Variants in TSPAN17 observed in about 807,000 individuals in gnomAD.
TSPAN17 encodes the protein tetraspanin 17, also known as tetraspanin-17.
TSPAN17 carries 33 observed loss-of-function variants against 40.5 expected under a neutral mutation model. The observed-to-expected ratio is 0.81, with a 90% CI of 0.62 to 1.09. TSPAN17 has a LOEUF of 1.09. TSPAN17 is among the 50% of genes least tolerant of loss of function. The probability of loss-of-function intolerance (pLI) is 0.00; values close to 1 mark genes in which losing one functional copy is unlikely to be tolerated. For synonymous variants in TSPAN17, 166 were observed against 169.4 expected (o/e 0.98, Z 0.15); for missense variants, 365 against 416.8 (o/e 0.88, Z 1.08).
chr5:176,652,554 T>C (rs1465109834), intron 3 of TSPAN17, among the ~76,000 whole-genome samples, 189 bp from the exon 4 acceptor site: 1 of 152,136 alleles, frequency 6.6e-6, no homozygotes. Context: ...GGGAATTGGA[T>C]GGGTAGGTAA....
Position 176,651,701 on chromosome 5 carries a change from A to T in TSPAN17, c.138+35A>T, listed in dbSNP as rs1212397151. 1.2e-6 allele frequency: 2 copies of T among 1,613,972 alleles called. No homozygotes were observed. The highest frequency in any genetic ancestry group is 3.3e-5 in the Admixed American group (2 of 60,004). On this transcript the variant is annotated intron_variant, in intron 2 of 8. Transcript: ENST00000508164. This position sits in a 1 kb window ranked among gnomAD's most constrained non-coding sequence, Gnocchi z 4.5. ...CGGGCGGGCGTGGAGCTGGTATGGG[A>T]CGAGGTGGTGGGAAGGTCAGCTCCC...
rs191378931 is a variant in TSPAN17, at chr5:176,652,737, C to G, written c.286-6C>G. 3.4e-3 allele frequency: 5,410 copies of G among 1,613,982 alleles called. 15 individuals carry two copies. Among genetic ancestry groups the G allele is most frequent in the Non-Finnish European group, 3.6e-3 (4,288 of 1,179,872 alleles). ...CAACCCCTACTGTCTGTATGCCCAACCCCAGTTCTCCGTGTTCCTCGGTCT... is the reference window on the plus strand; with the variant it reads ...CAACCCCTACTGTCTGTATGCCCAAGCCCAGTTCTCCGTGTTCCTCGGTCT... On this transcript the variant is annotated splice_polypyrimidine_tract_variant and splice_region_variant and intron_variant, in intron 3 of 8. Transcript: ENST00000508164.
chr5:176,656,144 G>A lies in TSPAN17; in HGVS notation c.630+19G>A, dbSNP rs766557471. On this transcript the variant is annotated intron_variant, in intron 6 of 8. Transcript: ENST00000508164. ...CAAACTGGTGAGAGGGGTAGGAACCGGGCTGGGGCAGGCAGGCAGGGGTAC... is the reference window on the plus strand; with the variant it reads ...CAAACTGGTGAGAGGGGTAGGAACCAGGCTGGGGCAGGCAGGCAGGGGTAC... 3.9e-5 allele frequency: 63 copies of A among 1,613,816 alleles called. No homozygotes were observed. The highest frequency in any genetic ancestry group is 1.8e-4 in the East Asian group (8 of 44,882).
Position 176,656,143 on chromosome 5 carries a change from CG to C in TSPAN17, c.630+21del. On this transcript the variant is annotated intron_variant, in intron 6 of 8. Coordinates refer to ENST00000508164, the MANE Select transcript of TSPAN17 (RefSeq NM_130465.5). ...TCAAACTGGTGAGAGGGGTAGGAAC[CG>C]GGCTGGGGCAGGCAGGCAGGGGTAC... The C allele has an allele frequency of 6.2e-7, 1 of 1,613,864 alleles. No individual in the cohort carries two copies. Among genetic ancestry groups the C allele is most frequent in the Non-Finnish European group, 8.5e-7 (1 of 1,179,862 alleles).
intron 1 of TSPAN17, among the ~76,000 whole-genome samples, chr5:176,649,394 T>A (rs531902725): frequency 1.8e-4 from 27 of 151,922 alleles, no homozygotes; most frequent in Admixed American, 1.7e-3. Flanking sequence ...GGTGTTGTTC[T>A]GTTTGGAAAC....
rs1164996921 is a variant in TSPAN17, at chr5:176,656,884, C to G, written c.748-11C>G. The G allele has an allele frequency of 1.2e-6, 2 of 1,614,234 alleles. No individual in the cohort carries two copies. Among genetic ancestry groups the G allele is most frequent in the South Asian group, 1.1e-5 (1 of 91,078 alleles). On this transcript the variant is annotated splice_polypyrimidine_tract_variant and intron_variant, in intron 7 of 8. Coordinates refer to ENST00000508164, the MANE Select transcript of TSPAN17 (RefSeq NM_130465.5). The stretch of plus-strand genomic sequence containing the variant: ...CCCTCACTCTCCCCTCACCTGTCCT[C>G]TGTCTTACAGATCTTTGGCATCTGC...
At chr5:176,657,090 T>C in intron 8 of TSPAN17, 134 bp downstream of exon 8, 1 of 989,246 alleles carries the variant, frequency 1.0e-6, no homozygotes, top group Non-Finnish European at 1.5e-6. Flanking sequence ...CCTTGAGGGG[T>C]TCGCCTGAAC....
At chr5:176,647,815 T>C in intron 1 of TSPAN17, 113 bp downstream of exon 1, 7 of 981,142 alleles carry the variant, frequency 7.1e-6, no homozygotes, top group South Asian at 1.7e-5. Context: ...CTCGGGACCA[T>C]CCCCCCACTT....
At chr5:176,648,740 C>T (rs1760846142) in intron 1 of TSPAN17, among the ~76,000 whole-genome samples, 1 of 152,224 alleles carries the variant, frequency 6.6e-6, no homozygotes, top group South Asian at 2.1e-4. Flanking sequence ...CTCCGGGCCT[C>T]AGCTTGCCTG....
intron 3 of TSPAN17, 129 bp downstream of exon 3, chr5:176,652,029 T>C: frequency 7.6e-7 from 1 of 1,321,714 alleles, no homozygotes; most frequent in Non-Finnish European, 1.0e-6. Flanking sequence ...ATTCATGTTG[T>C]CTATATTTAC....
chr5:176,654,662 C>T lies in TSPAN17; in HGVS notation c.457-233C>T, dbSNP rs1183763471. On this transcript the variant is annotated intron_variant, in intron 4 of 8. Transcript: ENST00000508164. The surrounding 1 kb of genome is among the most constrained non-coding windows in gnomAD (Gnocchi z 4.3). ...TGTCCCACTCCCTCCCTTTTTCTAG[C>T]CTCTCTTGGGTCGGGGAAGGGGGAG... 3.8e-6 allele frequency: 2 copies of T among 528,692 alleles called. No homozygotes were observed. The highest frequency in any genetic ancestry group is 6.6e-5 in the East Asian group (2 of 30,428). 32.8% of individuals were successfully genotyped at this position (528,692 alleles called of 1,614,324 possible). A position where few individuals can be genotyped will look rare whatever the true frequency, so the allele number is the denominator to read the frequency against.
Position 176,650,099 on chromosome 5 carries a change from T to C in TSPAN17, c.88-1517T>C, listed in dbSNP as rs1318692022. ...AGCTCCGTGAGGGTCGAGTCCGTCC[T>C]ATTCACCAGCGAATCCCCGGCATGG... On this transcript the variant is annotated intron_variant, in intron 1 of 8. Coordinates refer to ENST00000508164, the MANE Select transcript of TSPAN17 (RefSeq NM_130465.5). This position sits in a 1 kb window ranked among gnomAD's most constrained non-coding sequence, Gnocchi z 4.0. Among the ~76,000 whole-genome samples the C allele has an allele frequency of 1.3e-5, 2 of 152,324 alleles. No individual in the cohort carries two copies. The highest frequency in any genetic ancestry group is 4.8e-5 in the African/African-American group (2 of 41,570).
At chr5:176,653,121 G>A in intron 4 of TSPAN17, 1 of 509,268 alleles carries the variant, frequency 2.0e-6, no homozygotes, top group Non-Finnish European at 3.5e-6. Flanking sequence ...TAGGGCCACG[G>A]CCTTGGGAAA....
intron 4 of TSPAN17, 44 bp downstream of exon 4, chr5:176,652,957 C>T (rs763981468): frequency 1.2e-6 from 2 of 1,600,616 alleles, no homozygotes; most frequent in South Asian, 2.2e-5. Context: ...GAGGCGCCTT[C>T]CTGGCAGACG....
At position 176,657,741 on chromosome 5, in the gene TSPAN17, G is replaced by T; in HGVS notation, c.*43G>T. On this transcript the variant is annotated 3_prime_UTR_variant, in exon 9 of 9. Coordinates refer to ENST00000508164, the MANE Select transcript of TSPAN17 (RefSeq NM_130465.5). ...AGATCCACAGCTTCTCTTGAAGAAT[G>T]ACCACCTGGCTACGCCGGCTCTTCG... 1 of 1,529,830 alleles carries T rather than the reference G, an allele frequency of 6.5e-7. No individual in the cohort carries two copies. The highest frequency in any genetic ancestry group is 1.3e-5 in the South Asian group (1 of 76,688). The allele number at this position is 1,529,830 out of a possible 1,614,324, so 94.8% of individuals were successfully genotyped here.
intron 8 of TSPAN17, 22 bp from the exon 9 acceptor site, chr5:176,657,496 C>T: frequency 2.6e-6 from 4 of 1,556,876 alleles, no homozygotes; most frequent in Non-Finnish European, 3.5e-6. Context: ...CAAGAATTTT[C>T]TTTCTCTTGC....
chr5:176,653,689 A>G (rs1398259599), intron 4 of TSPAN17: 1 of 152,076 alleles, frequency 6.6e-6, no homozygotes, highest in Non-Finnish European at 1.5e-5. Flanking sequence ...ATTCACCACC[A>G]AGAGTCAGCT....
At chr5:176,649,496 C>T (rs547912826) in intron 1 of TSPAN17, among the ~76,000 whole-genome samples, 22 of 151,702 alleles carry the variant, frequency 1.5e-4, no homozygotes, top group Admixed American at 6.6e-4. Flanking sequence ...GGCACGATCT[C>T]GGTTCACTGC....
At chr5:176,655,087 C>T (rs988835632) in intron 5 of TSPAN17, 67 bp downstream of exon 5, 24 of 1,527,698 alleles carry the variant, frequency 1.6e-5, no homozygotes, top group Admixed American at 2.0e-5. Flanking sequence ...AAACCTCCCA[C>T]AGGGCCCCGC....
Sources: allele counts gnomAD v4.1 joint callset (sites outside exome capture counted in the v4.1 genomes callset), GRCh38; gene constraint gnomAD v4.1.1; non-coding constraint Gnocchi (gnomAD v3.1); transcripts MANE v1.5; gene names NCBI Gene and HGNC (gene_info 2026-07-23, HGNC 2026-07-21).